DOK7: variants seen among roughly 807,000 people sequenced by gnomAD.
The protein encoded by DOK7 is docking protein 7.
In DOK7, 32 loss-of-function variants were observed where a neutral mutation model predicts 30.7. The observed-to-expected ratio is 1.04, with a 90% CI of 0.79 to 1.40. The LOEUF (loss-of-function observed/expected upper bound fraction) is 1.40. Among genes scored for constraint, DOK7 ranks in the 40% most tolerant of loss-of-function variants. DOK7 has a pLI of 0.00. For synonymous variants in DOK7, 447 were observed against 324.1 expected (o/e 1.38, Z -4.07); for missense variants, 1,007 against 699.2 (o/e 1.44, Z -4.97).
intron 5 of DOK7, among the ~76,000 whole-genome samples, chr4:3,487,709 G>GTGTC (rs980410469): frequency 1.3e-5 from 2 of 152,220 alleles, no homozygotes; most frequent in African/African-American, 4.8e-5. Flanking sequence ...GAGTCGATCC[G>GTGTC]TGTCTTGCTG....
At position 3,472,244 on chromosome 4, in the gene DOK7, C is replaced by T. The variant is rs73793914; in HGVS notation, c.101-1162C>T. Reference sequence around the variant, plus strand: ...ACTCCATTGCAAAAATGAGTGTCTGCGTCAAATTCATTTGGGATTTTGGTT... The same window carrying T: ...ACTCCATTGCAAAAATGAGTGTCTGTGTCAAATTCATTTGGGATTTTGGTT... On this transcript the variant is annotated intron_variant, in intron 2 of 6. Coordinates refer to ENST00000340083, the MANE Select transcript of DOK7 (RefSeq NM_173660.5). Among the ~76,000 whole-genome samples, 1,172 of 152,348 alleles carry T rather than the reference C, an allele frequency of 7.7e-3. 16 individuals carry two copies. Among genetic ancestry groups the T allele is most frequent in the African/African-American group, 0.027 (1,103 of 41,584 alleles).
At chr4:3,485,346 G>A in intron 4 of DOK7, 193 bp from the exon 5 acceptor site, 1 of 669,754 alleles carries the variant, frequency 1.5e-6, no homozygotes, top group Non-Finnish European at 2.3e-6. Context: ...AGCCAGGTGG[G>A]GTGTCGGCTC....
At chr4:3,489,362 A>G (rs1728022343) in intron 5 of DOK7, among the ~76,000 whole-genome samples, 1 of 152,132 alleles carries the variant, frequency 6.6e-6, no homozygotes, top group African/African-American at 2.4e-5. Flanking sequence ...GGAACAGAAA[A>G]TTGAAAAACT....
At chr4:3,497,581 T>C (rs1728985650), downstream of DOK7, among the ~76,000 whole-genome samples, 2 of 152,088 alleles carry the variant, frequency 1.3e-5, no homozygotes, top group South Asian at 4.1e-4. Flanking sequence ...TCTGTGCCTG[T>C]TTCCTTGTGG....
At chr4:3,490,379 C>CCCCCCCTGCTCGTTCAGTCCTTCATT (rs1728206978) in intron 6 of DOK7, among the ~76,000 whole-genome samples, 1 of 46,088 alleles carries the variant, frequency 2.2e-5, no homozygotes, top group Non-Finnish European at 3.8e-5. Context: ...TCCTTCCCCC[C>CCCCCCCTGCTCGTTCAGTCCTTCATT]ACCCCCTGCT....
chr4:3,497,922 G>A (rs1406056631), downstream of DOK7, among the ~76,000 whole-genome samples: 1 of 152,192 alleles, frequency 6.6e-6, no homozygotes, highest in Non-Finnish European at 1.5e-5. Context: ...GCCTCCCCGA[G>A]GCCACCCGTA....
downstream of DOK7, among the ~76,000 whole-genome samples, chr4:3,497,783 GCCC>G (rs1728995937): frequency 6.6e-6 from 1 of 152,094 alleles, no homozygotes; most frequent in Non-Finnish European, 1.5e-5. Context: ...GCTTGGGAAA[GCCC>G]CCACCAGTCT....
At chr4:3,487,581 T>C (rs951479269) in intron 5 of DOK7, among the ~76,000 whole-genome samples, 2 of 152,196 alleles carry the variant, frequency 1.3e-5, no homozygotes, top group African/African-American at 4.8e-5. Flanking sequence ...GGGTCCACCA[T>C]GCTCCGAGTA....
At chr4:3,490,148 T>TC (rs1728148561) in intron 6 of DOK7, among the ~76,000 whole-genome samples, 1 of 88,060 alleles carries the variant, frequency 1.1e-5, no homozygotes, top group Non-Finnish European at 2.0e-5. Context: ...CATTCCTTCC[T>TC]TCCCCACCCT....
intron 6 of DOK7, 35 bp downstream of exon 6, chr4:3,489,831 C>A (rs200753549): frequency 6.4e-7 from 1 of 1,559,132 alleles, no homozygotes; most frequent in Non-Finnish European, 8.7e-7. Flanking sequence ...TGTGGGACCT[C>A]GGCTAAGCCT....
At chr4:3,487,784 C>T (rs1030218544) in intron 5 of DOK7, among the ~76,000 whole-genome samples, 3 of 152,264 alleles carry the variant, frequency 2.0e-5, no homozygotes, top group South Asian at 2.1e-4. Flanking sequence ...CTGGTGTCAC[C>T]GAGGGGCCAC....
chr4:3,489,690 G>T lies in DOK7; in HGVS notation c.666G>T (p.Pro222=), dbSNP rs756895721. Residue 222 remains proline (P), a synonymous_variant, in exon 6 of 7, where the codon CCG becomes CCT. Transcript: ENST00000340083. ...TCTCTGCCACAGACCCAAGTCCCCC[G>T]GGACCCTCGACTGTGGAGGAGCGTG... ...LRPVLPDPSP[P]GPSTVEERVA... is the part of the protein sequence containing the mutation. The T allele has an allele frequency of 6.4e-7, 1 of 1,565,418 alleles. No homozygotes were observed. The highest frequency in any genetic ancestry group is 8.7e-7 in the Non-Finnish European group (1 of 1,155,210).
chr4:3,476,237 ATGCCCTCTCACCCCACCCG>A, intron 3 of DOK7, 86 bp from the exon 4 acceptor site: 1 of 500,324 alleles, frequency 2.0e-6, no homozygotes, highest in African/African-American at 3.0e-5. Context: ...CCTGCCCGTG[ATGCCCTCTCACCCCACCCG>A]CCCGTGATGC....
At chr4:3,488,741 G>A (rs2109384488) in intron 5 of DOK7, among the ~76,000 whole-genome samples, 1 of 152,366 alleles carries the variant, frequency 6.6e-6, no homozygotes, top group African/African-American at 2.4e-5. Flanking sequence ...AGGCCCAGAG[G>A]AGGCCACTTG....
chr4:3,480,644 G>T (rs926826543), intron 4 of DOK7, among the ~76,000 whole-genome samples: 4 of 152,224 alleles, frequency 2.6e-5, no homozygotes, highest in African/African-American at 9.6e-5. Flanking sequence ...CCTGAACTAG[G>T]AGGCTCTTGC....
Position 3,493,803 on chromosome 4 carries a change from C to T in DOK7, c.*302C>T. ...CCTGAGGATCAGGTGAGTGCTGCAC[C>T]TCTGTTGGCTCGTGCCTTGCACTGG... On this transcript the variant is annotated 3_prime_UTR_variant, in exon 7 of 7. Coordinates refer to ENST00000340083, the MANE Select transcript of DOK7 (RefSeq NM_173660.5). 1 of 1,304,910 alleles carries T rather than the reference C, an allele frequency of 7.7e-7. No individual in the cohort carries two copies. Among genetic ancestry groups the T allele is most frequent in the African/African-American group, 1.5e-5 (1 of 65,866 alleles). The allele number at this position is 1,304,910 out of a possible 1,614,324, so 80.8% of individuals were successfully genotyped here.
Position 3,482,080 on chromosome 4 carries a change from C to T in DOK7, c.533-3459C>T, listed in dbSNP as rs183380580. ...TCCTCTTACCCTCACGCCTCCTATC[C>T]CCCACAACAGGGCTCCTATACAGCC... On this transcript the variant is annotated intron_variant, in intron 4 of 6. Coordinates refer to ENST00000340083, the MANE Select transcript of DOK7 (RefSeq NM_173660.5). Among the ~76,000 whole-genome samples, 169 of 152,246 alleles carry T rather than the reference C, an allele frequency of 1.1e-3. 1 individual carries two copies. The highest frequency in any genetic ancestry group is 9.5e-3 in the South Asian group (46 of 4,822).
chr4:3,476,875 C>T (rs1469325482), intron 4 of DOK7, among the ~76,000 whole-genome samples: 3 of 152,236 alleles, frequency 2.0e-5, no homozygotes, highest in Admixed American at 6.5e-5. Flanking sequence ...AAAGAACAAA[C>T]GCATTTAGCA....
intron 4 of DOK7, among the ~76,000 whole-genome samples, chr4:3,482,791 A>G (rs1727511785): frequency 6.6e-6 from 1 of 152,150 alleles, no homozygotes; most frequent in Non-Finnish European, 1.5e-5. Context: ...CTTTCCACCC[A>G]AGGCCGAGCA....
Sources: gnomAD v4.1 joint callset for allele counts (sites outside exome capture counted in the v4.1 genomes callset) on GRCh38, gnomAD v4.1.1 for gene constraint, MANE v1.5 for transcripts, NCBI Gene and HGNC (gene_info 2026-07-23, HGNC 2026-07-21) for gene names.